The following BARX2 variants were observed in gnomAD, a reference collection of about 807,000 sequenced individuals.
BARX2 encodes homeobox protein BarH-like 2.
BARX2 carries 11 observed loss-of-function variants against 25.5 expected under a neutral mutation model. The ratio of observed to expected loss-of-function variants is 0.43; its 90% confidence interval spans 0.27 to 0.71. The LOEUF (loss-of-function observed/expected upper bound fraction) is 0.71, where lower values mean the gene tolerates loss of function less well. Among genes scored for constraint, BARX2 ranks in the 30% least tolerant of loss-of-function variants. The probability of loss-of-function intolerance (pLI) is 0.19; values close to 1 mark genes in which losing one functional copy is unlikely to be tolerated. For missense variants in BARX2, 360 were observed against 359.9 expected (o/e 1.00, Z 0.00); for synonymous variants, 137 against 149.5 (o/e 0.92, Z 0.61).
chr11:129,385,765 A>AC lies in BARX2; in HGVS notation c.187+9544dup, dbSNP rs140875441. Reference sequence around the variant, plus strand: ...GGTCATGGCTACATAGAAGTTAATGACATTATTCTTTGTACTTTTCCATAT... The same window carrying AC: ...GGTCATGGCTACATAGAAGTTAATGACCATTATTCTTTGTACTTTTCCATAT... On this transcript the variant is annotated intron_variant, in intron 1 of 3. Coordinates refer to ENST00000281437, the MANE Select transcript of BARX2 (RefSeq NM_003658.5). 3.8e-3 allele frequency among the ~76,000 whole-genome samples: 573 copies of AC among 152,356 alleles called. 3 individuals are homozygous for AC. The highest frequency in any genetic ancestry group is 0.014 in the Middle Eastern group (4 of 294).
At chr11:129,396,283 A>T (rs1861720153) in intron 1 of BARX2, among the ~76,000 whole-genome samples, 1 of 151,758 alleles carries the variant, frequency 6.6e-6, no homozygotes, top group Admixed American at 6.6e-5. Flanking sequence ...CTCTTACTTG[A>T]TGTAGGTAAT....
At chr11:129,395,740 C>T (rs1020112663) in intron 1 of BARX2, among the ~76,000 whole-genome samples, 6 of 152,130 alleles carry the variant, frequency 3.9e-5, no homozygotes, top group Admixed American at 2.6e-4. Flanking sequence ...AATCTCTGCA[C>T]GTGTAAAATC....
chr11:129,433,497 G>A (rs1206044760), intron 1 of BARX2, among the ~76,000 whole-genome samples: 1 of 152,118 alleles, frequency 6.6e-6, no homozygotes, highest in African/African-American at 2.4e-5. Flanking sequence ...GATTTGCCCT[G>A]ACCTACAGGG....
At position 129,378,544 on chromosome 11, in the gene BARX2, CTTCTT is replaced by C. The variant is rs201746843; in HGVS notation, c.187+2335_187+2339del. 3.2e-3 allele frequency among the ~76,000 whole-genome samples: 427 copies of C among 135,016 alleles called. 1 individual carries two copies. Among genetic ancestry groups the C allele is most frequent in the African/African-American group, 0.011 (408 of 37,184 alleles). The allele number at this position is 135,016 out of a possible 152,430, so 88.6% of individuals were successfully genotyped here. A position where few individuals can be genotyped will look rare whatever the true frequency, so the allele number is the denominator to read the frequency against. On this transcript the variant is annotated intron_variant, in intron 1 of 3. Coordinates refer to ENST00000281437, the MANE Select transcript of BARX2 (RefSeq NM_003658.5). ...GCATCCCAAAGGACACTGTAATTTTCTTCTTTTCTTTTCTTTTTCTTTTTTTTTTT... is the reference window on the plus strand; with the variant it reads ...GCATCCCAAAGGACACTGTAATTTTCTTCTTTTCTTTTTCTTTTTTTTTTT...
chr11:129,399,387 G>C (rs755237263), intron 1 of BARX2, among the ~76,000 whole-genome samples: 5 of 151,502 alleles, frequency 3.3e-5, no homozygotes, highest in Non-Finnish European at 5.9e-5. Flanking sequence ...CTACCTCTCT[G>C]TCTCTCTCTC....
chr11:129,444,529 A>G (rs762977617), intron 3 of BARX2, among the ~76,000 whole-genome samples: 12 of 152,204 alleles, frequency 7.9e-5, no homozygotes, highest in Non-Finnish European at 1.5e-4. Flanking sequence ...TAGGCACTAT[A>G]AGAAGTAATT....
chr11:129,377,204 G>A (rs1214329021), intron 1 of BARX2, among the ~76,000 whole-genome samples: 1 of 152,206 alleles, frequency 6.6e-6, no homozygotes, highest in Non-Finnish European at 1.5e-5. Context: ...TGAGAGGCAT[G>A]AGATAAATTA....
Position 129,451,465 on chromosome 11 carries a change from A to G in BARX2, c.*63A>G, listed in dbSNP as rs1400421418. On this transcript the variant is annotated 3_prime_UTR_variant, in exon 4 of 4. Transcript: ENST00000281437. ...AAGGGAAAAGAGAGAAGGCAGGGAG[A>G]GTAGGGAGAGAAAACCTTCCAGCAG... 1 of 1,553,812 alleles carries G rather than the reference A, an allele frequency of 6.4e-7. No individual in the cohort carries two copies. The highest frequency in any genetic ancestry group is 1.4e-5 in the African/African-American group (1 of 73,050).
intron 1 of BARX2, among the ~76,000 whole-genome samples, chr11:129,414,709 G>C (rs1298106854): frequency 6.6e-6 from 1 of 152,208 alleles, no homozygotes; most frequent in Admixed American, 6.5e-5. Context: ...GCTCTGTTTT[G>C]ATTACAGCCA....
chr11:129,414,199 C>T (rs1194358715), intron 1 of BARX2, among the ~76,000 whole-genome samples: 1 of 151,784 alleles, frequency 6.6e-6, no homozygotes, highest in Non-Finnish European at 1.5e-5. Flanking sequence ...TCTTCAGAGA[C>T]TTTTAAGGAA....
At chr11:129,420,229 T>C (rs1861989436) in intron 1 of BARX2, among the ~76,000 whole-genome samples, 1 of 152,172 alleles carries the variant, frequency 6.6e-6, no homozygotes, top group Non-Finnish European at 1.5e-5. Context: ...AAGCAGAAGC[T>C]TTTTGGATTG....
rs1861628333 is a variant in BARX2 at position 129,387,609 on chromosome 11, G to A, written c.187+11387G>A. ...TAATATTGTTATCCCTGGATATCAT[G>A]GTAACTCATTAATGAACCTCAGCAC... is the stretch of plus-strand genomic sequence containing the variant. On this transcript the variant is annotated intron_variant, in intron 1 of 3. Transcript: ENST00000281437. Among the ~76,000 whole-genome samples, 6 of 152,276 alleles carry A rather than the reference G, an allele frequency of 3.9e-5. No individual in the cohort carries two copies. The South Asian group carries it at 1.2e-3, about 32-fold the overall frequency.
chr11:129,412,737 T>A (rs1325966208), intron 1 of BARX2, among the ~76,000 whole-genome samples: 3 of 152,204 alleles, frequency 2.0e-5, no homozygotes, highest in Non-Finnish European at 4.4e-5. Context: ...GGGTGTGTCT[T>A]ATGGAAAGCT....
chr11:129,390,515 C>A lies in BARX2; in HGVS notation c.187+14293C>A, dbSNP rs7108054. Among the ~76,000 whole-genome samples the A allele has an allele frequency of 6.9e-3, 1,049 of 151,634 alleles. 12 individuals are homozygous for A. The highest frequency in any genetic ancestry group is 0.024 in the African/African-American group (999 of 41,286). ...TGTGTTCCAGTAGGAGGGGAGTAGG[C>A]AGGAATGGGGTGGGAGTGGAAAAGG... On this transcript the variant is annotated intron_variant, in intron 1 of 3. Transcript: ENST00000281437. This position sits in a 1 kb window ranked among gnomAD's most constrained non-coding sequence, Gnocchi z 4.3.
At chr11:129,420,980 G>A (rs908227961) in intron 1 of BARX2, among the ~76,000 whole-genome samples, 3 of 152,136 alleles carry the variant, frequency 2.0e-5, no homozygotes, top group South Asian at 2.1e-4. Flanking sequence ...AATATTCAGA[G>A]CAAGAAAGAC....
chr11:129,441,713 G>C (rs1246110174), intron 2 of BARX2, among the ~76,000 whole-genome samples: 1 of 152,170 alleles, frequency 6.6e-6, no homozygotes, highest in African/African-American at 2.4e-5. Flanking sequence ...GCCTCCCAAA[G>C]TGCTGGGATT....
intron 1 of BARX2, among the ~76,000 whole-genome samples, chr11:129,413,928 T>C (rs1481035884): frequency 6.6e-6 from 1 of 151,644 alleles, no homozygotes; most frequent in African/African-American, 2.4e-5. Flanking sequence ...TAGCCGGGCG[T>C]GGTGGCGGGC....
At chr11:129,379,484 T>A (rs568665987) in intron 1 of BARX2, among the ~76,000 whole-genome samples, 16 of 152,232 alleles carry the variant, frequency 1.1e-4, no homozygotes, top group African/African-American at 3.9e-4. Context: ...TTTTAGGATA[T>A]CATAAATACA....
chr11:129,427,084 A>C (rs1862072218), intron 1 of BARX2, among the ~76,000 whole-genome samples: 1 of 152,216 alleles, frequency 6.6e-6, no homozygotes. Flanking sequence ...TTGATAAGAA[A>C]ATTAATCTAC....
Sources: gnomAD v4.1 joint callset for allele counts (sites outside exome capture counted in the v4.1 genomes callset) on GRCh38, gnomAD v4.1.1 for gene constraint, Gnocchi (gnomAD v3.1) non-coding constraint, MANE v1.5 for transcripts, NCBI Gene and HGNC (gene_info 2026-07-23, HGNC 2026-07-21) for gene names.